PRRC1: variants seen among roughly 807,000 people sequenced by gnomAD.
The protein encoded by PRRC1 is proline rich coiled-coil 1, also known as protein PRRC1.
Under a neutral mutation model 40.7 loss-of-function variants are expected in PRRC1, and 39 were observed. The ratio of observed to expected loss-of-function variants is 0.96; its 90% confidence interval spans 0.74 to 1.25. The LOEUF is 1.25. Among genes scored for constraint, PRRC1 ranks in the 50% most tolerant of loss-of-function variants. The pLI, the probability that PRRC1 is intolerant of heterozygous loss-of-function variation, is 0.00. For missense variants in PRRC1, 573 were observed against 548.3 expected (o/e 1.05, Z -0.45); for synonymous variants, 175 against 193.3 (o/e 0.91, Z 0.79).
chr5:127,553,900 A>G lies in PRRC1; in HGVS notation c.*1984A>G, dbSNP rs1406796532. The G allele has an allele frequency of 2.6e-6, 4 of 1,535,372 alleles. No individual in the cohort carries two copies. Among genetic ancestry groups the G allele is most frequent in the South Asian group, 1.2e-5 (1 of 84,048 alleles). On this transcript the variant is annotated 3_prime_UTR_variant, in exon 9 of 9. Transcript: ENST00000296666. Reference sequence around the variant, plus strand: ...TGACCTGGTAAGCCTCCTGCTCGGAACCGTGTGAGTGGGTGAGGAAGATGA... The same window carrying G: ...TGACCTGGTAAGCCTCCTGCTCGGAGCCGTGTGAGTGGGTGAGGAAGATGA...
At chr5:127,541,516 G>C (rs1381006038) in intron 7 of PRRC1, among the ~76,000 whole-genome samples, 3 of 151,780 alleles carry the variant, frequency 2.0e-5, no homozygotes, top group Non-Finnish European at 2.9e-5. Context: ...TACTCTTTTT[G>C]GTTGGTAAGC....
chr5:127,545,312 A>T (rs1006119509), intron 7 of PRRC1, among the ~76,000 whole-genome samples: 2 of 152,054 alleles, frequency 1.3e-5, no homozygotes, highest in East Asian at 1.9e-4. Context: ...ACTATAAATC[A>T]TGCTGCTATA....
chr5:127,525,199 G>A (rs1197290279), intron 3 of PRRC1, among the ~76,000 whole-genome samples: 4 of 152,116 alleles, frequency 2.6e-5, no homozygotes, highest in Non-Finnish European at 5.9e-5. Flanking sequence ...TACTTTCTAT[G>A]TATATGGATT....
intron 6 of PRRC1, 133 bp from the exon 7 acceptor site, chr5:127,538,907 T>C: frequency 1.9e-6 from 1 of 526,222 alleles, no homozygotes; most frequent in Non-Finnish European, 3.2e-6. Flanking sequence ...CATTTTTGTA[T>C]TGTTTGAACG....
At chr5:127,520,175 A>G (rs192484983) in intron 1 of PRRC1, among the ~76,000 whole-genome samples, 60 of 152,348 alleles carry the variant, frequency 3.9e-4, no homozygotes, top group Admixed American at 5.9e-4. Flanking sequence ...TTCATGCTAT[A>G]TGCCAGTAGT....
chr5:127,547,091 T>C (rs1186284619), intron 7 of PRRC1, among the ~76,000 whole-genome samples: 1 of 152,132 alleles, frequency 6.6e-6, no homozygotes, highest in Non-Finnish European at 1.5e-5. Flanking sequence ...CATTAAACAT[T>C]TTCCTGCTTC....
rs149336967 is a variant in PRRC1 at position 127,524,797 on chromosome 5, C to G, written c.370C>G (p.Pro124Ala). Residue 124 changes from proline to alanine, a missense_variant, in exon 3 of 9, where the codon CCC becomes GCC. Coordinates refer to ENST00000296666, the MANE Select transcript of PRRC1 (RefSeq NM_130809.5). ...TSAPNTLLPA[P>A]PSGPPISGFS... is the part of the protein sequence containing the mutation. ...TGCCCCAAACACTCTTTTACCTGCA[C>G]CCCCTTCGGGTCCTCCTATATCAGG... 6.2e-7 allele frequency: 1 copy of G among 1,614,062 alleles called. No homozygotes were observed. Among genetic ancestry groups the G allele is most frequent in the Non-Finnish European group, 8.5e-7 (1 of 1,180,026 alleles).
intron 6 of PRRC1, among the ~76,000 whole-genome samples, chr5:127,538,089 T>C (rs544807929): frequency 8.7e-4 from 133 of 152,082 alleles, no homozygotes; most frequent in Non-Finnish European, 1.5e-3. Flanking sequence ...CAATCTTGGT[T>C]TTATTGTACT....
chr5:127,550,779 A>ATACTGTAG (rs1768355806), intron 8 of PRRC1: 1 of 152,178 alleles, frequency 6.6e-6, no homozygotes, highest in South Asian at 2.1e-4. Context: ...TGAAATACTG[A>ATACTGTAG]TACTGTAGTA....
intron 1 of PRRC1, among the ~76,000 whole-genome samples, chr5:127,520,917 G>GT (rs1671122109): frequency 6.6e-6 from 1 of 152,146 alleles, no homozygotes; most frequent in South Asian, 2.1e-4. Flanking sequence ...GAGAAGCTGG[G>GT]TTTGGGGTAC....
chr5:127,540,788 GTTGT>G (rs527758551), intron 7 of PRRC1, among the ~76,000 whole-genome samples: 125 of 152,152 alleles, frequency 8.2e-4, no homozygotes, highest in Non-Finnish European at 1.5e-3. Flanking sequence ...TTTTGATGGG[GTTGT>G]TTGTTTTTTT....
chr5:127,529,909 A>G (rs933548703), intron 4 of PRRC1, among the ~76,000 whole-genome samples: 1 of 152,092 alleles, frequency 6.6e-6, no homozygotes, highest in African/African-American at 2.4e-5. Context: ...ACTTACGTAG[A>G]CACCTGATTG....
At chr5:127,526,268 G>T (rs1373582559) in intron 3 of PRRC1, among the ~76,000 whole-genome samples, 1 of 152,140 alleles carries the variant, frequency 6.6e-6, no homozygotes, top group African/African-American at 2.4e-5. Context: ...TGTAATAATT[G>T]TGTGCTTTTT....
chr5:127,553,391 TC>T lies in PRRC1; in HGVS notation c.*1477del. The T allele has an allele frequency of 3.9e-6, 4 of 1,024,608 alleles. No homozygotes were observed. The highest frequency in any genetic ancestry group is 3.5e-6 in the Non-Finnish European group (3 of 856,562). The allele number at this position is 1,024,608 out of a possible 1,614,324, so 63.5% of individuals were successfully genotyped here. ...ATGACTGTTCAGTGAATATCAGACT[TC>T]CGTGTCATTAAAAGTCATGAGAGAC... is the stretch of plus-strand genomic sequence containing the variant. On this transcript the variant is annotated 3_prime_UTR_variant, in exon 9 of 9. Coordinates refer to ENST00000296666, the MANE Select transcript of PRRC1 (RefSeq NM_130809.5).
At position 127,524,547 on chromosome 5, in the gene PRRC1, T is replaced by C; in HGVS notation, c.120T>C (p.Phe40=). ...TTTTTCTAGCGGCAACCAGTTCTTT[T>C]TCTTCTCCAAATGTATCCTCCATGG... The part of the protein sequence containing the change: ...TPVPLAATSS[F]SSPNVSSMES... Residue 40 remains phenylalanine (F), a synonymous_variant, in exon 3 of 9, where the codon TTT becomes TTC. Transcript: ENST00000296666. The C allele has an allele frequency of 6.2e-7, 1 of 1,600,358 alleles. No homozygotes were observed. The highest frequency in any genetic ancestry group is 8.5e-7 in the Non-Finnish European group (1 of 1,171,930).
chr5:127,524,257 G>A (rs1043864168), intron 2 of PRRC1: 21 of 315,562 alleles, frequency 6.7e-5, no homozygotes, highest in Non-Finnish European at 9.8e-5. Context: ...ATGAAAAATC[G>A]CTTTATTTTA....
intron 1 of PRRC1, among the ~76,000 whole-genome samples, chr5:127,518,826 T>G (rs1486455909): frequency 1.3e-5 from 2 of 152,164 alleles, no homozygotes; most frequent in Admixed American, 1.3e-4. Flanking sequence ...CAAACCATTT[T>G]CTTCACTTTT....
intron 7 of PRRC1, among the ~76,000 whole-genome samples, chr5:127,541,580 A>C (rs527301211): frequency 6.6e-6 from 1 of 151,980 alleles, no homozygotes; most frequent in Admixed American, 6.6e-5. Context: ...CAGAGATTCA[A>C]CTTCTTCCTG....
chr5:127,521,595 T>C (rs148615038), intron 1 of PRRC1, among the ~76,000 whole-genome samples: 2,161 of 152,336 alleles, frequency 0.014, 52 homozygotes, highest in African/African-American at 0.049. Flanking sequence ...AAATTTATGT[T>C]CGAGTGCTAT....
Sources: gnomAD v4.1 joint callset for allele counts (sites outside exome capture counted in the v4.1 genomes callset) on GRCh38, gnomAD v4.1.1 for gene constraint, MANE v1.5 for transcripts, NCBI Gene and HGNC (gene_info 2026-07-23, HGNC 2026-07-21) for gene names.